VAT1L: variants seen among roughly 807,000 people sequenced by gnomAD.
VAT1L encodes putative NADPH-dependent quinone oxidoreductase VAT1L.
VAT1L carries 34 observed loss-of-function variants against 44.1 expected under a neutral mutation model. That is an observed-to-expected ratio of 0.77 (90% CI 0.59 to 1.03). VAT1L has a LOEUF of 1.03. VAT1L is among the 50% of genes least tolerant of loss of function. VAT1L has a pLI of 0.00. For missense variants in VAT1L, 615 were observed against 538.8 expected, an observed-to-expected ratio of 1.14 and a Z score of -1.40; for synonymous variants, 253 against 202.2, an observed-to-expected ratio of 1.25 and a Z score of -2.13.
chr16:77,931,672 C>G (rs892336170), intron 7 of VAT1L, among the ~76,000 whole-genome samples: 1 of 151,980 alleles, frequency 6.6e-6, no homozygotes, highest in Non-Finnish European at 1.5e-5. Flanking sequence ...CAGTGGAATC[C>G]TAGTAGGAAA....
At chr16:77,963,632 A>G (rs867099990) in intron 7 of VAT1L, among the ~76,000 whole-genome samples, 1 of 151,824 alleles carries the variant, frequency 6.6e-6, no homozygotes, top group Non-Finnish European at 1.5e-5. Flanking sequence ...TAAAGGGGGG[A>G]AAAACCCACA....
intron 3 of VAT1L, among the ~76,000 whole-genome samples, chr16:77,833,835 G>C (rs940896415): frequency 6.6e-6 from 1 of 151,064 alleles, no homozygotes; most frequent in South Asian, 2.1e-4. Context: ...TAGAAGTGGA[G>C]GTGGGCTGGG....
At chr16:77,866,743 T>C (rs139446198) in intron 4 of VAT1L, among the ~76,000 whole-genome samples, 1 of 152,314 alleles carries the variant, frequency 6.6e-6, no homozygotes, top group East Asian at 1.9e-4. Flanking sequence ...AAAATATTTA[T>C]GACACAGACC....
At chr16:77,907,007 A>G (rs2017444417) in intron 7 of VAT1L, among the ~76,000 whole-genome samples, 1 of 152,236 alleles carries the variant, frequency 6.6e-6, no homozygotes, top group Admixed American at 6.5e-5. Flanking sequence ...TACATCTTGC[A>G]GGAGGCAGCA....
chr16:77,802,310 G>A (rs1171920752), intron 1 of VAT1L, among the ~76,000 whole-genome samples: 1 of 152,062 alleles, frequency 6.6e-6, no homozygotes, highest in Non-Finnish European at 1.5e-5. Flanking sequence ...TGAAAGTCTT[G>A]AGTCCCTTAG....
chr16:77,839,838 T>G (rs1450683241), intron 3 of VAT1L, among the ~76,000 whole-genome samples: 2 of 152,190 alleles, frequency 1.3e-5, no homozygotes, highest in Non-Finnish European at 2.9e-5. Context: ...TGGAGGTGCT[T>G]TAGAACATGC....
intron 7 of VAT1L, among the ~76,000 whole-genome samples, chr16:77,939,230 T>C (rs1357560034): frequency 6.6e-6 from 1 of 152,214 alleles, no homozygotes; most frequent in African/African-American, 2.4e-5. Flanking sequence ...GCTTAACCAA[T>C]TCTTTGAAAC....
chr16:77,968,827 CT>C (rs1244035902), intron 7 of VAT1L, among the ~76,000 whole-genome samples: 3 of 149,874 alleles, frequency 2.0e-5, no homozygotes, highest in East Asian at 2.0e-4. Context: ...AGAATCAATT[CT>C]TTTTTTTTTA....
At position 77,937,598 on chromosome 16, in the gene VAT1L, A is replaced by G. The variant is rs556054954; in HGVS notation, c.1078-34252A>G. On this transcript the variant is annotated intron_variant, in intron 7 of 8. Transcript: ENST00000302536. The stretch of plus-strand genomic sequence containing the variant: ...ATTTCCTTGTAATGCTTGAGGCTAG[A>G]AAGGGAGCTGGAACTTAAAGTGGTG... Among the ~76,000 whole-genome samples, 21 of 152,330 alleles carry G rather than the reference A, an allele frequency of 1.4e-4. No individual in the cohort carries two copies. The South Asian group carries it at 4.4e-3, about 32-fold the overall frequency.
At chr16:77,818,580 C>A (rs1177117784) in intron 2 of VAT1L, among the ~76,000 whole-genome samples, 1 of 152,078 alleles carries the variant, frequency 6.6e-6, no homozygotes, top group Non-Finnish European at 1.5e-5. Flanking sequence ...GAATAAATAA[C>A]CAGTTATTTT....
chr16:77,918,475 C>T (rs371364283), intron 7 of VAT1L, among the ~76,000 whole-genome samples: 2 of 152,098 alleles, frequency 1.3e-5, no homozygotes, highest in Non-Finnish European at 2.9e-5. Flanking sequence ...ATCATCCTGC[C>T]GTTAGACTCC....
rs573632569 is a variant in VAT1L, at chr16:77,789,130, A to G, written c.233+215A>G. On this transcript the variant is annotated intron_variant, in intron 1 of 8. Coordinates refer to ENST00000302536, the MANE Select transcript of VAT1L (RefSeq NM_020927.3). ...CCAGATCTAGGGGTGACGGGAGGAG[A>G]ATGTGAGCTCCTGGGCGCGGGGAGA... Among the ~76,000 whole-genome samples the G allele has an allele frequency of 6.8e-4, 103 of 152,018 alleles. No homozygotes were observed. The South Asian group carries it at 0.013, about 19-fold the overall frequency.
At chr16:77,909,279 A>G (rs1411550232) in intron 7 of VAT1L, among the ~76,000 whole-genome samples, 1 of 152,234 alleles carries the variant, frequency 6.6e-6, no homozygotes, top group Non-Finnish European at 1.5e-5. Context: ...GTCATAAGCT[A>G]TATATTTCTT....
intron 3 of VAT1L, among the ~76,000 whole-genome samples, chr16:77,834,313 G>A (rs962296313): frequency 2.0e-5 from 3 of 152,148 alleles, no homozygotes; most frequent in African/African-American, 7.2e-5. Context: ...AAGCTTTGTA[G>A]TCTGCTTCTG....
intron 7 of VAT1L, among the ~76,000 whole-genome samples, chr16:77,923,461 T>A (rs1309549948): frequency 6.6e-6 from 1 of 152,072 alleles, no homozygotes; most frequent in Non-Finnish European, 1.5e-5. Flanking sequence ...GATGAATGAA[T>A]GAATGGAATA....
At chr16:77,815,805 TA>T (rs1368668461) in intron 1 of VAT1L, among the ~76,000 whole-genome samples, 1 of 151,014 alleles carries the variant, frequency 6.6e-6, no homozygotes, top group Admixed American at 6.6e-5. Flanking sequence ...CCATGTCTAC[TA>T]AAAATACAAA....
At chr16:77,886,303 G>T (rs1053388831) in intron 7 of VAT1L, among the ~76,000 whole-genome samples, 1 of 152,136 alleles carries the variant, frequency 6.6e-6, no homozygotes, top group Non-Finnish European at 1.5e-5. Context: ...TTGGAACAGG[G>T]AAAGGGCTGG....
chr16:77,876,023 T>C (rs2017083807), intron 4 of VAT1L, among the ~76,000 whole-genome samples: 1 of 152,182 alleles, frequency 6.6e-6, no homozygotes, highest in African/African-American at 2.4e-5. Flanking sequence ...CAAAGAAACA[T>C]ACTAGCTCCA....
At chr16:77,817,194 A>T in intron 2 of VAT1L, 144 bp downstream of exon 2, 2 of 1,311,802 alleles carry the variant, frequency 1.5e-6, no homozygotes, top group Non-Finnish European at 2.0e-6. Context: ...GACAATGTTT[A>T]TAGTCATTAA....
Sources: gnomAD v4.1 joint callset for allele counts (sites outside exome capture counted in the v4.1 genomes callset) on GRCh38, gnomAD v4.1.1 for gene constraint, MANE v1.5 for transcripts, NCBI Gene and HGNC (gene_info 2026-07-23, HGNC 2026-07-21) for gene names.